Variants in STAT3 observed in about 807,000 individuals in gnomAD.
STAT3 encodes signal transducer and activator of transcription 3, also known as DNA-binding protein APRF.
A neutral mutation model predicts 114.3 loss-of-function variants in STAT3; 7 were observed. The observed-to-expected ratio is 0.06, with a 90% confidence interval of 0.03 to 0.11. The LOEUF is 0.11. Ranked by LOEUF, STAT3 falls within the 10% of genes least tolerant of loss-of-function variation. STAT3 has a pLI of 1.00. For missense variants in STAT3, 364 were observed against 960.9 expected, an observed-to-expected ratio of 0.38 and a Z score of 8.21; for synonymous variants, 331 against 354.5, an observed-to-expected ratio of 0.93 and a Z score of 0.74.
chr17:42,315,726 A>G lies in STAT3; in HGVS notation c.*19T>C. ...AGGCGCCTCAGTCGTATCTTTCTGCAGCTTCCGTTCTCAGCTCCTCACATG... is the reference window on the plus strand; with the variant it reads ...AGGCGCCTCAGTCGTATCTTTCTGCGGCTTCCGTTCTCAGCTCCTCACATG... On this transcript the variant is annotated 3_prime_UTR_variant, in exon 24 of 24. Coordinates refer to ENST00000264657, the MANE Select transcript of STAT3 (RefSeq NM_139276.3). The G allele has an allele frequency of 6.2e-7, 1 of 1,613,442 alleles. No individual in the cohort carries two copies. The highest frequency in any genetic ancestry group is 8.5e-7 in the Non-Finnish European group (1 of 1,179,378).
At position 42,315,003 on chromosome 17, in the gene STAT3, G is replaced by A. The variant is rs1280207499; in HGVS notation, c.*742C>T. On this transcript the variant is annotated 3_prime_UTR_variant, in exon 24 of 24. Coordinates refer to ENST00000264657, the MANE Select transcript of STAT3 (RefSeq NM_139276.3). ...AGCCTCCCGAGTAGCTGGGACTACA[G>A]GCGCCCACCACCACACCCAGCTAAT... The A allele has an allele frequency of 1.7e-5, 3 of 177,364 alleles. No homozygotes were observed. Among genetic ancestry groups the A allele is most frequent in the Non-Finnish European group, 3.6e-5 (3 of 82,720 alleles). 11.0% of individuals were successfully genotyped at this position (177,364 alleles called of 1,614,324 possible).
At chr17:42,329,712 A>C (rs1386729204) in intron 12 of STAT3, 35 bp downstream of exon 12, 1 of 1,614,210 alleles carries the variant, frequency 6.2e-7, no homozygotes. Context: ...AGTTAGGTTA[A>C]ACGGAACAAA....
In STAT3 at chr17:42,317,221, G is replaced by C. The variant is rs778450270; in HGVS notation, c.2105C>G (p.Ala702Gly). 1 of 1,613,824 alleles carries C rather than the reference G, an allele frequency of 6.2e-7. No homozygotes were observed. Among genetic ancestry groups the C allele is most frequent in the South Asian group, 1.1e-5 (1 of 91,030 alleles). Residue 702 changes from alanine to glycine, a missense_variant, in exon 22 of 24, where the codon GCT becomes GGT. Transcript: ENST00000264657. The part of the protein sequence containing the change: ...QEHPEADPGS[A>G]APYLKTKFIC... Reference sequence around the variant, plus strand: ...AAACTTGGTCTTCAGGTATGGGGCAGCGCCTGGGAAGAAGAAAACCAGTTT... The same window carrying C: ...AAACTTGGTCTTCAGGTATGGGGCACCGCCTGGGAAGAAGAAAACCAGTTT...
chr17:42,351,554 C>T (rs1025711196), intron 1 of STAT3, among the ~76,000 whole-genome samples: 2 of 152,100 alleles, frequency 1.3e-5, no homozygotes, highest in Non-Finnish European at 2.9e-5. Flanking sequence ...AGATACTTTA[C>T]ACTCTTTTTT....
rs974840137 is a variant in STAT3 at position 42,313,530 on chromosome 17, G to C, written c.*2215C>G. 1 of 231,330 alleles carries C rather than the reference G, an allele frequency of 4.3e-6. No homozygotes were observed. The highest frequency in any genetic ancestry group is 5.6e-5 in the Admixed American group (1 of 17,726). 14.3% of individuals were successfully genotyped at this position (231,330 alleles called of 1,614,324 possible). On this transcript the variant is annotated 3_prime_UTR_variant, in exon 24 of 24. Transcript: ENST00000264657. ...GTAAGCAACCCACGGGATTCCCTCGGCTGGGCTGGGGATGGGGAGGGGGCA... is the reference window on the plus strand; with the variant it reads ...GTAAGCAACCCACGGGATTCCCTCGCCTGGGCTGGGGATGGGGAGGGGGCA...
intron 1 of STAT3, among the ~76,000 whole-genome samples, chr17:42,358,268 A>G (rs1476788057): frequency 6.6e-6 from 1 of 152,018 alleles, no homozygotes; most frequent in Non-Finnish European, 1.5e-5. Context: ...AATTTTTTTA[A>G]AATTAGCCTA....
rs758449863 is a variant in STAT3 at position 42,337,787 on chromosome 17, G to A, written c.621C>T (p.Leu207=). 10 of 1,614,080 alleles carry A rather than the reference G, an allele frequency of 6.2e-6. No homozygotes were observed. The Admixed American group carries it at 1.0e-4, about 16-fold the overall frequency. The change falls in exon 7 of 24, where the codon CTC becomes CTT. Residue 207 remains leucine, a synonymous_variant. Transcript: ENST00000264657. This position sits in a 1 kb window ranked among gnomAD's most constrained non-coding sequence, Gnocchi z 4.0. ...CTCTCCGCATCTGGTCCAGCGCAGT[G>A]AGCATCTGTTCCAGCTGCTGCATCT... The part of the protein sequence containing the change: ...RQKMQQLEQM[L]TALDQMRRSI...
chr17:42,322,530 C>G (rs1299962515), intron 20 of STAT3, 36 bp from the exon 21 acceptor site: 1 of 1,611,230 alleles, frequency 6.2e-7, no homozygotes, highest in Non-Finnish European at 8.5e-7. Flanking sequence ...ATCATGGAAC[C>G]TACAGCTAGG....
At chr17:42,329,197 A>T (rs1000533539) in intron 14 of STAT3, among the ~76,000 whole-genome samples, 1 of 152,134 alleles carries the variant, frequency 6.6e-6, no homozygotes, top group Non-Finnish European at 1.5e-5. Flanking sequence ...GGAGGAGCCA[A>T]CTCCCAGATA....
chr17:42,326,327 G>A, intron 14 of STAT3, 128 bp from the exon 15 acceptor site: 1 of 770,676 alleles, frequency 1.3e-6, no homozygotes, highest in Admixed American at 2.0e-5. Context: ...AAGCAGCACA[G>A]CAAAACTCCA....
At chr17:42,362,170 T>TA (rs2083544356) in intron 1 of STAT3, among the ~76,000 whole-genome samples, 1 of 152,214 alleles carries the variant, frequency 6.6e-6, no homozygotes, top group South Asian at 2.1e-4. Context: ...GTTTGTTCTA[T>TA]AAATTACTGT....
chr17:42,322,193 T>G (rs549753396), intron 21 of STAT3, 89 bp downstream of exon 21: 10 of 1,217,912 alleles, frequency 8.2e-6, no homozygotes, highest in Non-Finnish European at 9.7e-6. Context: ...CCCAGGTTAT[T>G]CAGGCATTTG....
Position 42,337,381 on chromosome 17 carries a change from C to G in STAT3, c.797+54G>C, listed in dbSNP as rs751640803. On this transcript the variant is annotated intron_variant, in intron 8 of 23. Coordinates refer to ENST00000264657, the MANE Select transcript of STAT3 (RefSeq NM_139276.3). This position sits in a 1 kb window ranked among gnomAD's most constrained non-coding sequence, Gnocchi z 4.0. ...AATTCTGTGGGCCTGCAGTTAAGAT[C>G]AGAATTCAATCTAGCTTTCGAGAAA... 7.5e-6 allele frequency: 12 copies of G among 1,606,840 alleles called. No homozygotes were observed. Among genetic ancestry groups the G allele is most frequent in the African/African-American group, 4.0e-5 (3 of 74,864 alleles).
At chr17:42,362,158 CTGTT>C in intron 1 of STAT3, among the ~76,000 whole-genome samples, 1 of 152,284 alleles carries the variant, frequency 6.6e-6, no homozygotes, top group South Asian at 2.1e-4. Context: ...TCTCTAAAAA[CTGTT>C]TGTTCTATAA....
intron 1 of STAT3, among the ~76,000 whole-genome samples, chr17:42,362,078 G>A (rs991769408): frequency 4.6e-5 from 7 of 152,164 alleles, no homozygotes; most frequent in Admixed American, 1.3e-4. Context: ...TTCAGATGGC[G>A]GTCACATGCT....
chr17:42,328,803 C>G (rs1278179164), intron 14 of STAT3, among the ~76,000 whole-genome samples: 1 of 152,176 alleles, frequency 6.6e-6, no homozygotes, highest in African/African-American at 2.4e-5. Context: ...AGCCTTCCGT[C>G]ACATTTACCT....
chr17:42,356,748 G>A (rs375659963), intron 1 of STAT3, among the ~76,000 whole-genome samples: 2 of 151,982 alleles, frequency 1.3e-5, no homozygotes, highest in Non-Finnish European at 2.9e-5. Flanking sequence ...GATTACAGGC[G>A]TGAGCCACAG....
At chr17:42,343,800 G>A (rs923474663) in intron 4 of STAT3, among the ~76,000 whole-genome samples, 1 of 152,046 alleles carries the variant, frequency 6.6e-6, no homozygotes, top group Non-Finnish European at 1.5e-5. Context: ...TGCTGCTACT[G>A]ATTAGGGGAA....
Position 42,345,580 on chromosome 17 carries a change from C to T in STAT3, c.351G>A (p.Gln117=). The T allele has an allele frequency of 6.2e-7, 1 of 1,606,746 alleles. No homozygotes were observed. The highest frequency in any genetic ancestry group is 8.5e-7 in the Non-Finnish European group (1 of 1,175,988). The change falls in exon 4 of 24, where the codon CAG becomes CAA. Residue 117 remains glutamine, a synonymous_variant. Transcript: ENST00000264657. ...TCACCTGGGCCGCAGTGGCTGCAGT[C>T]TGTAGAAGGCGTGATTCTTCCCACA... The part of the protein sequence containing the change: ...RCLWEESRLL[Q]TAATAAQQGG...
Sources: allele counts gnomAD v4.1 joint callset (sites outside exome capture counted in the v4.1 genomes callset), GRCh38; gene constraint gnomAD v4.1.1; non-coding constraint Gnocchi (gnomAD v3.1); transcripts MANE v1.5; gene names NCBI Gene and HGNC (gene_info 2026-07-23, HGNC 2026-07-21).